The following COL6A5 variants were observed in gnomAD, a reference collection of about 807,000 sequenced individuals.
COL6A5 encodes collagen type VI alpha 5 chain, also known as collagen alpha-5(VI) chain.
COL6A5 carries 48 observed loss-of-function variants against 65.6 expected under a neutral mutation model. The observed-to-expected ratio is 0.73, with a 90% confidence interval of 0.58 to 0.93. The LOEUF (loss-of-function observed/expected upper bound fraction) is 0.93, where lower values mean the gene tolerates loss of function less well. COL6A5 is among the 40% of genes least tolerant of loss of function. The pLI, the probability that COL6A5 is intolerant of heterozygous loss-of-function variation, is 0.00. For missense variants in COL6A5, 914 were observed against 928.3 expected (o/e 0.98, Z 0.20); for synonymous variants, 291 against 322.8 (o/e 0.90, Z 1.05).
intron 4 of COL6A5, among the ~76,000 whole-genome samples, chr3:130,451,103 C>T (rs1709420467): frequency 6.6e-6 from 1 of 152,120 alleles, no homozygotes; most frequent in South Asian, 2.1e-4. Flanking sequence ...ATACTGAGTA[C>T]AAGCTTCCTT....
chr3:130,372,443 T>TTATATATATATATATA, intron 1 of COL6A5, among the ~76,000 whole-genome samples: 1 of 150,880 alleles, frequency 6.6e-6, no homozygotes, highest in Middle Eastern at 3.4e-3. Flanking sequence ...ATGTTTTAAA[T>TTATATATATATATATA]TATATATATA....
chr3:130,403,915 G>A (rs1475712600), intron 13 of COL6A5, among the ~76,000 whole-genome samples: 1 of 152,098 alleles, frequency 6.6e-6, no homozygotes, highest in African/African-American at 2.4e-5. Context: ...GAATGATGAG[G>A]CAGTTACTAA....
chr3:130,415,050 T>C (rs1287013223), intron 22 of COL6A5, among the ~76,000 whole-genome samples: 1 of 152,010 alleles, frequency 6.6e-6, no homozygotes, highest in Non-Finnish European at 1.5e-5. Flanking sequence ...ACTGAGACAG[T>C]GAATCAAGGC....
At chr3:130,391,132 G>A (rs1936383455) in intron 6 of COL6A5, 47 bp from the exon 7 acceptor site, 10 of 1,364,672 alleles carry the variant, frequency 7.3e-6, no homozygotes, top group Non-Finnish European at 8.1e-6. Context: ...ACCCTGCGTA[G>A]AATGCACTGC....
rs780418489 is a variant in COL6A5 at position 130,431,785 on chromosome 3, C to T, written c.325C>T (p.Arg109Trp). Residue 109 changes from arginine (R) to tryptophan (W), a missense_variant, in exon 1 of 8, where the codon CGG becomes TGG. Transcript: ENST00000512836. ...GTTTGTGACCCGCAACGTGTTCAAG[C>T]GGACGTATGCAGGAGCCAACGTGAG... 2.2e-5 allele frequency: 34 copies of T among 1,551,460 alleles called. 1 individual carries two copies. The highest frequency in any genetic ancestry group is 1.7e-4 in the Middle Eastern group (1 of 6,014).
chr3:130,354,377 A>ATTTAGAT (rs1408145831), intron 1 of COL6A5, among the ~76,000 whole-genome samples: 2 of 152,140 alleles, frequency 1.3e-5, no homozygotes, highest in Admixed American at 1.3e-4. Context: ...AACAGCAGTG[A>ATTTAGAT]TTTAGATTGC....
intron 5 of COL6A5, among the ~76,000 whole-genome samples, chr3:130,459,868 A>G (rs1319360416): frequency 1.3e-5 from 2 of 152,002 alleles, no homozygotes; most frequent in Admixed American, 1.3e-4. Context: ...ATAGGTTTAC[A>G]GTTTTATTTA....
intron 1 of COL6A5, among the ~76,000 whole-genome samples, chr3:130,355,092 A>G (rs1465612495): frequency 6.6e-6 from 1 of 152,132 alleles, no homozygotes; most frequent in East Asian, 1.9e-4. Flanking sequence ...AAAAATTAAA[A>G]TTACATACAC....
intron 7 of COL6A5, among the ~76,000 whole-genome samples, chr3:130,481,805 A>T (rs765298578): frequency 6.6e-6 from 1 of 152,054 alleles, no homozygotes; most frequent in Non-Finnish European, 1.5e-5. Context: ...AGTGATGATG[A>T]GCCTTTTTTT....
chr3:130,383,490 C>T (rs558062327), intron 4 of COL6A5, among the ~76,000 whole-genome samples: 10 of 151,960 alleles, frequency 6.6e-5, no homozygotes, highest in Non-Finnish European at 1.0e-4. Context: ...TAATGCATTC[C>T]GGTTACTTTC....
exon 3 of COL6A5, chr3:130,376,364 C>A: frequency 6.2e-7 from 1 of 1,613,756 alleles, no homozygotes; most frequent in Non-Finnish European, 8.5e-7. Context: ...TAGAGGCCAA[C>A]AAATACCGTG....
intron 5 of COL6A5, among the ~76,000 whole-genome samples, chr3:130,461,208 A>C (rs1057308657): frequency 1.3e-5 from 2 of 152,030 alleles, no homozygotes; most frequent in Non-Finnish European, 2.9e-5. Flanking sequence ...TGTGTGTATA[A>C]AAAATGACTA....
chr3:130,420,144 A>G (rs3075232), intron 25 of COL6A5, among the ~76,000 whole-genome samples: 1 of 151,174 alleles, frequency 6.6e-6, no homozygotes, highest in African/African-American at 2.4e-5. Flanking sequence ...AAAGGAAGAA[A>G]GAAGGAAGGA....
At chr3:130,460,662 T>A (rs933533305) in intron 5 of COL6A5, among the ~76,000 whole-genome samples, 3 of 151,980 alleles carry the variant, frequency 2.0e-5, no homozygotes, top group Non-Finnish European at 2.9e-5. Context: ...TTGGTGCTGG[T>A]CATGGTAGTA....
chr3:130,471,080 G>T lies in COL6A5; in HGVS notation c.2328+113G>T, dbSNP rs1206935591. On this transcript the variant is annotated intron_variant, in intron 7 of 7. Coordinates refer to ENST00000512836, the Ensembl canonical transcript of COL6A5. The stretch of plus-strand genomic sequence containing the variant: ...AAGATCCAAGTGTGTGTTTTTGTGT[G>T]TGTGTGTGTGTGTGTGTGTGTTTTA... 3.9e-4 allele frequency: 261 copies of T among 674,782 alleles called. No homozygotes were observed. In the African/African-American group the frequency reaches 4.4e-3, roughly 11 times the overall value. 41.8% of individuals were successfully genotyped at this position (674,782 alleles called of 1,614,324 possible).
Position 130,365,438 on chromosome 3 carries a change from C to T in COL6A5, c.-28-8173C>T, listed in dbSNP as rs113353113. Among the ~76,000 whole-genome samples the T allele has an allele frequency of 4.0e-3, 608 of 152,202 alleles. 3 individuals carry two copies. Among genetic ancestry groups the T allele is most frequent in the African/African-American group, 0.014 (563 of 41,540 alleles). On this transcript the variant is annotated intron_variant and NMD_transcript_variant, in intron 1 of 41. Transcript: ENST00000312481. ...GACTACAGGCGCCCGCTACTACGCC[C>T]GGCTAATTTTTTGTATTTTTAGTAG...
chr3:130,449,408 T>G (rs958106714), intron 4 of COL6A5, among the ~76,000 whole-genome samples: 1 of 152,084 alleles, frequency 6.6e-6, no homozygotes, highest in African/African-American at 2.4e-5. Context: ...TGCCAGTAAA[T>G]CTCTACCCCA....
chr3:130,408,384 A>G (rs1937070520), intron 17 of COL6A5, among the ~76,000 whole-genome samples: 1 of 152,114 alleles, frequency 6.6e-6, no homozygotes, highest in African/African-American at 2.4e-5. Flanking sequence ...CAACGCCCCC[A>G]GGCTTGCTAG....
intron 1 of COL6A5, among the ~76,000 whole-genome samples, chr3:130,348,967 G>A (rs1484002559): frequency 6.6e-6 from 1 of 151,906 alleles, no homozygotes; most frequent in Non-Finnish European, 1.5e-5. Flanking sequence ...GGGGTTGTTT[G>A]TTTTTCTGTT....
Sources: gnomAD v4.1 joint callset for allele counts (sites outside exome capture counted in the v4.1 genomes callset) on GRCh38, gnomAD v4.1.1 for gene constraint, MANE v1.5 for transcripts, NCBI Gene and HGNC (gene_info 2026-07-23, HGNC 2026-07-21) for gene names.